MAST2: variants seen among roughly 807,000 people sequenced by gnomAD.
The protein encoded by MAST2 is microtubule associated serine/threonine kinase 2.
A neutral mutation model predicts 147.4 loss-of-function variants in MAST2; 70 were observed. That is an observed-to-expected ratio of 0.47 (90% CI 0.39 to 0.58). The LOEUF is 0.58. Among genes scored for constraint, MAST2 ranks in the 20% least tolerant of loss-of-function variants. The pLI is 0.00. For synonymous variants in MAST2, 869 were observed against 896.8 expected, an observed-to-expected ratio of 0.97 and a Z score of 0.55; for missense variants, 2,080 against 2,302.3, an observed-to-expected ratio of 0.90 and a Z score of 1.98.
intron 4 of MAST2, among the ~76,000 whole-genome samples, chr1:45,948,632 G>A (rs1395539457): frequency 6.9e-6 from 1 of 145,098 alleles, no homozygotes; most frequent in Non-Finnish European, 1.5e-5. Context: ...GCTTGAACCT[G>A]GGAGGTGAAG....
chr1:45,846,121 T>G (rs1570347886), intron 3 of MAST2, among the ~76,000 whole-genome samples: 1 of 7,112 alleles, frequency 1.4e-4, no homozygotes, highest in Non-Finnish European at 2.2e-4. Context: ...TCATCACTGA[T>G]TTTTTTTTTA....
intron 3 of MAST2, among the ~76,000 whole-genome samples, chr1:45,851,362 C>A (rs1645619588): frequency 6.6e-6 from 1 of 152,064 alleles, no homozygotes; most frequent in Non-Finnish European, 1.5e-5. Flanking sequence ...GTTCCAGGAG[C>A]CTTTGGCGGA....
At chr1:45,993,513 G>A (rs1026140089) in intron 5 of MAST2, among the ~76,000 whole-genome samples, 11 of 151,958 alleles carry the variant, frequency 7.2e-5, no homozygotes, top group Non-Finnish European at 1.5e-4. Flanking sequence ...GTAAAATACC[G>A]TCTCCATTAA....
intron 4 of MAST2, among the ~76,000 whole-genome samples, chr1:45,929,169 CTT>C (rs1654882300): frequency 6.6e-6 from 1 of 152,102 alleles, no homozygotes; most frequent in Non-Finnish European, 1.5e-5. Context: ...TTCTCCTTCC[CTT>C]TATTAACTAC....
intron 4 of MAST2, among the ~76,000 whole-genome samples, chr1:45,934,114 C>T (rs1655814842): frequency 6.6e-6 from 1 of 152,062 alleles, no homozygotes; most frequent in African/African-American, 2.4e-5. Context: ...TATTCCCTTC[C>T]TTGTGTCCAT....
intron 10 of MAST2, among the ~76,000 whole-genome samples, chr1:46,012,474 G>A (rs1645754197): frequency 6.6e-6 from 1 of 152,204 alleles, no homozygotes; most frequent in Non-Finnish European, 1.5e-5. Flanking sequence ...TTTGCCATCA[G>A]TGAGGTTACA....
In MAST2 at chr1:46,032,743, A is replaced by G. The variant is rs762105590; in HGVS notation, c.3537+25A>G. The G allele has an allele frequency of 1.9e-6, 3 of 1,604,106 alleles. No individual in the cohort carries two copies. The East Asian group carries it at 6.7e-5, about 36-fold the overall frequency. ...GGTTAGTGCTGGGCGTGCTGCCTGC[A>G]TGGTCCCTGAATGACCTCAGCCTGT... is the stretch of plus-strand genomic sequence containing the variant. On this transcript the variant is annotated intron_variant, in intron 26 of 28. Transcript: ENST00000361297.
chr1:46,021,320 G>A (rs1365658672), intron 11 of MAST2, among the ~76,000 whole-genome samples: 2 of 152,202 alleles, frequency 1.3e-5, no homozygotes, highest in African/African-American at 4.8e-5. Context: ...GACCTGGGCT[G>A]AATGCTGGTT....
At chr1:45,840,282 G>A (rs1478846556) in intron 3 of MAST2, among the ~76,000 whole-genome samples, 2 of 152,132 alleles carry the variant, frequency 1.3e-5, no homozygotes, top group Non-Finnish European at 2.9e-5. Flanking sequence ...TTCTACCTTT[G>A]GAGGTAGAAA....
At chr1:46,020,165 A>G (rs1365927992) in intron 11 of MAST2, among the ~76,000 whole-genome samples, 3 of 152,220 alleles carry the variant, frequency 2.0e-5, no homozygotes, top group Admixed American at 2.0e-4. Context: ...AGTAATTACA[A>G]TACTGCAAGA....
chr1:45,809,025 G>T (rs1025196240), intron 1 of MAST2, among the ~76,000 whole-genome samples: 2 of 152,130 alleles, frequency 1.3e-5, no homozygotes, highest in Non-Finnish European at 2.9e-5. Flanking sequence ...GAGTCAGACT[G>T]TTCCATTTAC....
At chr1:45,902,263 C>A (rs1413233273) in intron 4 of MAST2, among the ~76,000 whole-genome samples, 5 of 152,040 alleles carry the variant, frequency 3.3e-5, no homozygotes, top group Non-Finnish European at 7.4e-5. Context: ...GTTTTTTATT[C>A]TGTTTATGTG....
chr1:45,929,619 T>C (rs1449796717), intron 4 of MAST2, among the ~76,000 whole-genome samples: 2 of 152,210 alleles, frequency 1.3e-5, no homozygotes, highest in African/African-American at 4.8e-5. Context: ...CCATTGCTGA[T>C]CCTGATGGCC....
At chr1:45,882,215 ATTT>A in intron 3 of MAST2, 146 bp from the exon 4 acceptor site, 1 of 543,862 alleles carries the variant, frequency 1.8e-6, no homozygotes, top group Non-Finnish European at 3.3e-6. Flanking sequence ...AATAAATAAA[ATTT>A]AAGAGGCAAA....
chr1:46,010,757 G>C lies in MAST2; in HGVS notation c.1006G>C (p.Ala336Pro), dbSNP rs1337198807. The C allele has an allele frequency of 3.1e-6, 5 of 1,613,834 alleles. No homozygotes were observed. The highest frequency in any genetic ancestry group is 4.2e-6 in the Non-Finnish European group (5 of 1,179,958). The change falls in exon 10 of 29, where the codon GCA (alanine) becomes CCA (proline). Residue 336 changes from alanine to proline, a missense_variant. Ala to Pro is a conservative substitution (Grantham distance 27). Transcript: ENST00000361297. Reference sequence around the variant, plus strand: ...CACCGCACAAATGGAAGAGCGACTAGCAGAGTTTATTTCCTCCAACACTCC... The same window carrying C: ...CACCGCACAAATGGAAGAGCGACTACCAGAGTTTATTTCCTCCAACACTCC... ...KATAQMEERLAEFISSNTPDS... is the reference protein window; with the variant it reads ...KATAQMEERLPEFISSNTPDS...
At chr1:45,917,566 C>G (rs1303671237) in intron 4 of MAST2, 2 of 1,359,412 alleles carry the variant, frequency 1.5e-6, no homozygotes, top group African/African-American at 3.0e-5. Flanking sequence ...TGGGCCTTGA[C>G]AATTGCTTCT....
At chr1:46,034,005 TG>T (rs1266341226) in intron 27 of MAST2, 67 bp downstream of exon 27, 4 of 1,606,306 alleles carry the variant, frequency 2.5e-6, no homozygotes, top group Non-Finnish European at 3.4e-6. Flanking sequence ...GTGGGTGCCT[TG>T]GCCCTGGGGG....
intron 5 of MAST2, among the ~76,000 whole-genome samples, chr1:45,985,849 A>G (rs1183027605): frequency 1.3e-5 from 2 of 152,180 alleles, no homozygotes. Context: ...TAGGTGTTCC[A>G]TATTTTTATG....
intron 5 of MAST2, among the ~76,000 whole-genome samples, chr1:45,980,275 CAAAAAAAAAAAA>C (rs35235290): frequency 2.4e-5 from 2 of 84,056 alleles, no homozygotes; most frequent in South Asian, 8.5e-4. Flanking sequence ...ACTGTGTTTC[CAAAAAAAAAAAA>C]AAAAAAAAAA....
Sources: gnomAD v4.1 joint callset for allele counts (sites outside exome capture counted in the v4.1 genomes callset) on GRCh38, gnomAD v4.1.1 for gene constraint, MANE v1.5 for transcripts, NCBI Gene and HGNC (gene_info 2026-07-23, HGNC 2026-07-21) for gene names.